LACTBL1: variants seen among roughly 807,000 people sequenced by gnomAD.
LACTBL1 encodes beta-lactamase-like protein 1.
In LACTBL1, 29 loss-of-function variants were observed where a neutral mutation model predicts 39.6. That is an observed-to-expected ratio of 0.73 (90% CI 0.55 to 1.00). The LOEUF is 1.00. Ranked by LOEUF, LACTBL1 falls within the 50% of genes least tolerant of loss-of-function variation. The probability of loss-of-function intolerance (pLI) is 0.00; values close to 1 mark genes in which losing one functional copy is unlikely to be tolerated. For missense variants in LACTBL1, 711 were observed against 748.5 expected (o/e 0.95, Z 0.59); for synonymous variants, 361 against 360.7 (o/e 1.00, Z -0.01).
chr1:22,965,409 T>C, upstream of LACTBL1: 2 of 1,253,310 alleles, frequency 1.6e-6, no homozygotes, highest in Non-Finnish European at 2.0e-6. Flanking sequence ...TTTCAGCAAG[T>C]TGGGCCACCA....
exon 6 of LACTBL1, chr1:22,953,247 G>C: frequency 1.6e-6 from 2 of 1,231,930 alleles, no homozygotes; most frequent in Non-Finnish European, 2.0e-6. Context: ...GCTGGAAGAC[G>C]CGGCCGTGCA....
In LACTBL1 at chr1:22,965,271, A is replaced by T; in HGVS notation, c.49+19T>A. 7.6e-7 allele frequency: 1 copy of T among 1,311,952 alleles called. No homozygotes were observed. Among genetic ancestry groups the T allele is most frequent in the Non-Finnish European group, 9.8e-7 (1 of 1,023,626 alleles). The allele number at this position is 1,311,952 out of a possible 1,614,324, so 81.3% of individuals were successfully genotyped here. On this transcript the variant is annotated intron_variant, in intron 1 of 5. Coordinates refer to ENST00000426928, the Ensembl canonical transcript of LACTBL1. ...CCAGGGGGCTATGGGGAGGAACTCAAGGCTGTCTCTGCACTCACCGGTCTT... is the reference window on the plus strand; with the variant it reads ...CCAGGGGGCTATGGGGAGGAACTCATGGCTGTCTCTGCACTCACCGGTCTT...
intron 3 of LACTBL1, 89 bp from the exon 6 acceptor site, chr1:22,959,009 T>A: frequency 1.2e-6 from 1 of 821,614 alleles, no homozygotes; most frequent in Non-Finnish European, 1.9e-6. Flanking sequence ...CTTTTTAGTG[T>A]TCTAGAAAAG....
chr1:22,971,860 A>G, the LACTBL1 span, among the ~76,000 whole-genome samples: 2 of 152,210 alleles, frequency 1.3e-5, no homozygotes, highest in Non-Finnish European at 2.9e-5. Flanking sequence ...TAAATAAGAT[A>G]GTGCATGCAA....
intron 4 of LACTBL1, among the ~76,000 whole-genome samples, chr1:22,955,658 A>G (rs1640754596): frequency 6.6e-6 from 1 of 152,168 alleles, no homozygotes; most frequent in Non-Finnish European, 1.5e-5. Flanking sequence ...TCTGTAATAT[A>G]AGGGAAATAA....
intron 1 of LACTBL1, among the ~76,000 whole-genome samples, chr1:22,965,002 G>T (rs991453049): frequency 1.3e-5 from 2 of 152,192 alleles, no homozygotes; most frequent in African/African-American, 4.8e-5. Context: ...AACACCGTTT[G>T]CTCTTCCTTT....
chr1:22,966,884 C>T (rs909419341), upstream of LACTBL1, among the ~76,000 whole-genome samples: 9 of 152,150 alleles, frequency 5.9e-5, no homozygotes, highest in African/African-American at 2.2e-4. Flanking sequence ...ATCCCTACCT[C>T]CAGCCAGTCA....
At chr1:22,963,359 C>T (rs776366097) in intron 1 of LACTBL1, 143 bp from the exon 4 acceptor site, 149 of 443,256 alleles carry the variant, frequency 3.4e-4, no homozygotes, top group Non-Finnish European at 5.2e-4. Context: ...GTCCAGAGAC[C>T]AGCCCTAGCC....
chr1:22,953,433 C>G, exon 6 of LACTBL1: 1 of 1,227,520 alleles, frequency 8.1e-7, no homozygotes, highest in Non-Finnish European at 1.0e-6. Flanking sequence ...CCGGGCCGGG[C>G]TCGGCCTCCC....
intron 4 of LACTBL1, among the ~76,000 whole-genome samples, chr1:22,956,802 T>C (rs1446730650): frequency 6.6e-6 from 1 of 152,162 alleles, no homozygotes; most frequent in Non-Finnish European, 1.5e-5. Context: ...CATCTTGACT[T>C]GTTATCATAG....
chr1:22,970,143 A>G (rs899925866), upstream of LACTBL1, among the ~76,000 whole-genome samples: 23 of 152,216 alleles, frequency 1.5e-4, no homozygotes, highest in African/African-American at 5.1e-4. Flanking sequence ...TCAGCTGTAG[A>G]ATCTAGGGTT....
Position 22,953,424 on chromosome 1 carries a change from CG to C in LACTBL1, c.1259del (p.Pro420ArgfsTer19), listed in dbSNP as rs1436199003. The C allele has an allele frequency of 8.1e-7, 1 of 1,227,518 alleles. No individual in the cohort carries two copies. The highest frequency in any genetic ancestry group is 3.2e-5 in the East Asian group (1 of 31,282). 76.0% of individuals were successfully genotyped at this position (1,227,518 alleles called of 1,614,324 possible). The stretch of plus-strand genomic sequence containing the variant: ...AGGGGTGCGCGGTGGGCGGCGGAGC[CG>C]GGCCGGGCTCGGCCTCCCGGAGGGC... On this transcript the variant is annotated frameshift_variant, in exon 6 of 6. Transcript: ENST00000426928. LOFTEE classifies it high-confidence loss of function.
exon 6 of LACTBL1, chr1:22,953,248 C>A: frequency 8.1e-7 from 1 of 1,231,934 alleles, no homozygotes; most frequent in Middle Eastern, 3.1e-4. Flanking sequence ...CTGGAAGACG[C>A]GGCCGTGCAG....
chr1:22,959,505 G>A (rs1483298542), intron 3 of LACTBL1, among the ~76,000 whole-genome samples: 1 of 152,236 alleles, frequency 6.6e-6, no homozygotes, highest in East Asian at 1.9e-4. Context: ...GGATCCTGCA[G>A]GCAGCATGCA....
chr1:22,961,225 A>G (rs562512938), intron 2 of LACTBL1, among the ~76,000 whole-genome samples: 2 of 152,350 alleles, frequency 1.3e-5, no homozygotes, highest in African/African-American at 4.8e-5. Context: ...CTCGTGAGTC[A>G]GTGCTAATTT....
chr1:22,968,145 G>A (rs1640902391), upstream of LACTBL1, among the ~76,000 whole-genome samples: 1 of 152,020 alleles, frequency 6.6e-6, no homozygotes, highest in Non-Finnish European at 1.5e-5. Context: ...TAATCCTCCT[G>A]CAACTTGCTT....
upstream of LACTBL1, among the ~76,000 whole-genome samples, chr1:22,970,284 G>A (rs218342): frequency 0.022 from 3,356 of 152,272 alleles, 150 homozygotes; most frequent in African/African-American, 0.076. Context: ...GTAAAGGAAC[G>A]AGCTACTGAT....
At chr1:22,962,468 C>A (rs904952463) in intron 2 of LACTBL1, among the ~76,000 whole-genome samples, 34 of 152,198 alleles carry the variant, frequency 2.2e-4, no homozygotes, top group African/African-American at 8.2e-4. Context: ...CAGACTAGAG[C>A]TGACTGACAC....
intron 2 of LACTBL1, among the ~76,000 whole-genome samples, 200 bp from the exon 5 acceptor site, chr1:22,960,299 T>TA (rs1557771261): frequency 6.6e-6 from 1 of 151,946 alleles, no homozygotes; most frequent in South Asian, 2.1e-4. Context: ...CTTAGCAAAA[T>TA]AAAAAAGGAG....
Sources: gnomAD v4.1 joint callset for allele counts (sites outside exome capture counted in the v4.1 genomes callset) on GRCh38, gnomAD v4.1.1 for gene constraint, MANE v1.5 for transcripts, NCBI Gene and HGNC (gene_info 2026-07-23, HGNC 2026-07-21) for gene names.